COG5: variants seen among roughly 807,000 people sequenced by gnomAD.
COG5 encodes conserved oligomeric Golgi complex subunit 5.
Under a neutral mutation model 110.4 loss-of-function variants are expected in COG5, and 86 were observed. The ratio of observed to expected loss-of-function variants is 0.78; its 90% CI spans 0.65 to 0.93. COG5 has a LOEUF of 0.93. Ranked by LOEUF, COG5 falls within the 40% of genes least tolerant of loss-of-function variation. The pLI is 0.00. For synonymous variants in COG5, 360 were observed against 334.6 expected (o/e 1.08, Z -0.83); for missense variants, 1,077 against 987.0 (o/e 1.09, Z -1.22).
intron 7 of COG5, among the ~76,000 whole-genome samples, chr7:107,397,312 G>T (rs532185569): frequency 6.6e-6 from 1 of 152,160 alleles, no homozygotes; most frequent in African/African-American, 2.4e-5. Context: ...TTGTGACCAT[G>T]ATGGGACAAG....
intron 6 of COG5, among the ~76,000 whole-genome samples, chr7:107,467,084 ATTAG>A (rs1170928014): frequency 2.0e-5 from 3 of 152,324 alleles, no homozygotes; most frequent in Middle Eastern, 3.4e-3. Context: ...AATACATAAA[ATTAG>A]TTAGAGACTT....
Position 107,270,882 on chromosome 7 carries a change from C to CTTTTTTTTTTTTTTTTTTTTTTT in COG5, c.1575+10395_1575+10417dup, listed in dbSNP as rs56971368. The stretch of plus-strand genomic sequence containing the variant: ...TTATACTTCATTATCCTAACTAGAA[C>CTTTTTTTTTTTTTTTTTTTTTTT]TTTTTTTTTTTTTTTTTTTTTTTTT... On this transcript the variant is annotated intron_variant, in intron 14 of 21. Transcript: ENST00000297135. Among the ~76,000 whole-genome samples, 6 of 68,748 alleles carry CTTTTTTTTTTTTTTTTTTTTTTT rather than the reference C, an allele frequency of 8.7e-5. 1 individual carries two copies. Among genetic ancestry groups the CTTTTTTTTTTTTTTTTTTTTTTT allele is most frequent in the African/African-American group, 3.3e-4 (5 of 14,946 alleles). 45.1% of individuals were successfully genotyped at this position (68,748 alleles called of 152,430 possible). A position where few individuals can be genotyped will look rare whatever the true frequency, so the allele number is the denominator to read the frequency against.
At chr7:107,208,678 AT>A (rs1437388311) in intron 21 of COG5, 2 of 985,348 alleles carry the variant, frequency 2.0e-6, no homozygotes, top group African/African-American at 3.5e-5. Flanking sequence ...AACCTCTCCC[AT>A]TTCTGTGTCA....
chr7:107,209,027 G>A (rs1253820812), intron 21 of COG5: 1 of 977,530 alleles, frequency 1.0e-6, no homozygotes, highest in East Asian at 1.1e-4. Flanking sequence ...GAGAGACCTG[G>A]GCACTAGGAA....
chr7:107,352,979 A>G (rs1201809069), intron 10 of COG5, among the ~76,000 whole-genome samples: 2 of 152,228 alleles, frequency 1.3e-5, no homozygotes, highest in East Asian at 3.9e-4. Flanking sequence ...ACTTTCAAGC[A>G]AAGTATTATA....
intron 10 of COG5, among the ~76,000 whole-genome samples, chr7:107,341,130 A>T (rs1811136597): frequency 6.6e-6 from 1 of 152,144 alleles, no homozygotes; most frequent in Admixed American, 6.5e-5. Context: ...AAAAAATCCT[A>T]AAGATTACAC....
intron 12 of COG5, among the ~76,000 whole-genome samples, chr7:107,286,027 T>G (rs890115825): frequency 6.6e-6 from 1 of 152,208 alleles, no homozygotes; most frequent in Non-Finnish European, 1.5e-5. Flanking sequence ...TTAAGTCTTT[T>G]TTCCTTTTCC....
At chr7:107,416,803 G>A (rs547984829) in intron 6 of COG5, among the ~76,000 whole-genome samples, 30 of 152,276 alleles carry the variant, frequency 2.0e-4, no homozygotes, top group African/African-American at 6.7e-4. Flanking sequence ...TATAGGAAAA[G>A]CAGAATATAT....
At chr7:107,331,749 A>C (rs148594607) in intron 10 of COG5, among the ~76,000 whole-genome samples, 96 of 152,090 alleles carry the variant, frequency 6.3e-4, no homozygotes, top group South Asian at 1.7e-3. Context: ...ATTTAAGAAG[A>C]AGCAGCAGGT....
chr7:107,392,728 T>A (rs1350107854), intron 7 of COG5, among the ~76,000 whole-genome samples: 1 of 151,686 alleles, frequency 6.6e-6, no homozygotes, highest in Non-Finnish European at 1.5e-5. Context: ...TTCAGTAGCA[T>A]TAACACTGCT....
intron 13 of COG5, among the ~76,000 whole-genome samples, chr7:107,282,575 G>A (rs569409842): frequency 2.0e-5 from 3 of 152,290 alleles, no homozygotes; most frequent in East Asian, 1.9e-4. Context: ...AGGCTGGAGT[G>A]CAGTGGCGTG....
At chr7:107,283,870 G>A (rs1331033616) in intron 12 of COG5, 138 bp from the exon 13 acceptor site, 4 of 634,664 alleles carry the variant, frequency 6.3e-6, no homozygotes, top group African/African-American at 1.8e-5. Context: ...AAAATAATTT[G>A]TTTCACAACG....
chr7:107,208,314 A>G, intron 21 of COG5: 1 of 985,460 alleles, frequency 1.0e-6, no homozygotes, highest in Non-Finnish European at 1.2e-6. Context: ...ATATAGGCTT[A>G]GCAACAGCAC....
At chr7:107,210,939 G>T (rs181562845) in intron 20 of COG5, among the ~76,000 whole-genome samples, 160 bp downstream of exon 20, 3 of 152,326 alleles carry the variant, frequency 2.0e-5, no homozygotes, top group East Asian at 3.9e-4. Context: ...CTGAGCAGTG[G>T]GAGTTTTCCT....
At chr7:107,510,474 C>T (rs1224451700) in intron 6 of COG5, among the ~76,000 whole-genome samples, 13 of 152,158 alleles carry the variant, frequency 8.5e-5, no homozygotes, top group Non-Finnish European at 1.3e-4. Flanking sequence ...CCACTGTCAA[C>T]ATTAGACAGA....
intron 19 of COG5, among the ~76,000 whole-genome samples, chr7:107,228,892 T>A (rs769998937): frequency 6.6e-6 from 1 of 152,112 alleles, no homozygotes; most frequent in Non-Finnish European, 1.5e-5. Flanking sequence ...AAGTTTCTAC[T>A]ACCAAAGCTT....
At chr7:107,309,038 C>G (rs896229652) in intron 11 of COG5, among the ~76,000 whole-genome samples, 1 of 145,840 alleles carries the variant, frequency 6.9e-6, no homozygotes, top group South Asian at 2.2e-4. Context: ...GGAAAGACCA[C>G]AACATAAGTG....
chr7:107,292,556 A>T (rs1806262767), intron 12 of COG5, among the ~76,000 whole-genome samples: 1 of 152,228 alleles, frequency 6.6e-6, no homozygotes, highest in East Asian at 1.9e-4. Flanking sequence ...ACAAAAGCCT[A>T]CCAAGAGTTT....
intron 6 of COG5, among the ~76,000 whole-genome samples, chr7:107,443,500 G>T (rs1015149439): frequency 1.3e-5 from 2 of 151,488 alleles, no homozygotes; most frequent in Non-Finnish European, 3.0e-5. Context: ...AGTTATAATG[G>T]GTGAATTACA....
Sources: gnomAD v4.1 joint callset for allele counts (sites outside exome capture counted in the v4.1 genomes callset) on GRCh38, gnomAD v4.1.1 for gene constraint, MANE v1.5 for transcripts, NCBI Gene and HGNC (gene_info 2026-07-23, HGNC 2026-07-21) for gene names.